The following PPFIA2 variants were observed in gnomAD, a reference collection of about 807,000 sequenced individuals.
PPFIA2 encodes the protein liprin-alpha-2.
A neutral mutation model predicts 175.5 loss-of-function variants in PPFIA2; 46 were observed. That is an observed-to-expected ratio of 0.26 (90% confidence interval 0.21 to 0.34). The LOEUF is 0.34. Among genes scored for constraint, PPFIA2 ranks in the 10% least tolerant of loss-of-function variants. The pLI is 1.00. For missense variants in PPFIA2, 1,179 were observed against 1,506.1 expected (o/e 0.78, Z 3.60); for synonymous variants, 568 against 511.4 (o/e 1.11, Z -1.49).
At chr12:81,728,115 C>A (rs1401240755) in intron 3 of PPFIA2, among the ~76,000 whole-genome samples, 1 of 151,276 alleles carries the variant, frequency 6.6e-6, no homozygotes, top group African/African-American at 2.4e-5. Flanking sequence ...AGAAATAACA[C>A]AAAGGAATGA....
At chr12:81,731,761 A>G (rs986766101) in intron 3 of PPFIA2, among the ~76,000 whole-genome samples, 4 of 151,612 alleles carry the variant, frequency 2.6e-5, no homozygotes, top group Non-Finnish European at 3.0e-5. Flanking sequence ...CCTCTATGTC[A>G]GTTTCCTTAT....
chr12:81,505,350 A>G (rs758758696), intron 4 of PPFIA2, among the ~76,000 whole-genome samples: 15 of 152,258 alleles, frequency 9.9e-5, no homozygotes, highest in Non-Finnish European at 1.8e-4. Flanking sequence ...GTTCAGTTGA[A>G]TATGTTGAAA....
intron 21 of PPFIA2, 148 bp downstream of exon 21, chr12:81,339,031 AC>A: frequency 1.4e-6 from 1 of 695,542 alleles, no homozygotes; most frequent in Non-Finnish European, 2.2e-6. Context: ...GCTAAATTGA[AC>A]ATTTAAAGCT....
At chr12:81,573,228 T>C (rs1027427329) in intron 4 of PPFIA2, among the ~76,000 whole-genome samples, 1 of 151,920 alleles carries the variant, frequency 6.6e-6, no homozygotes, top group African/African-American at 2.4e-5. Context: ...GGCCACAGAC[T>C]TAACAGAAGA....
chr12:81,630,830 T>C (rs886853771), intron 4 of PPFIA2, among the ~76,000 whole-genome samples: 1 of 151,454 alleles, frequency 6.6e-6, no homozygotes, highest in Non-Finnish European at 1.5e-5. Flanking sequence ...TTAAAAAGAA[T>C]TGTGCTTCCA....
rs554677708 is a variant in PPFIA2 at position 81,286,208 on chromosome 12, A to T, written c.2926-1905T>A. On this transcript the variant is annotated intron_variant, in intron 24 of 32. Coordinates refer to ENST00000549396, the MANE Select transcript of PPFIA2 (RefSeq NM_003625.5). ...CTAAGTATTATTTTAAAAAGAGTCAAAAGTTAACAAAAAAAAAGATTTATA... is the reference window on the plus strand; with the variant it reads ...CTAAGTATTATTTTAAAAAGAGTCATAAGTTAACAAAAAAAAAGATTTATA... Among the ~76,000 whole-genome samples the T allele has an allele frequency of 1.1e-4, 16 of 152,220 alleles. No individual in the cohort carries two copies. The East Asian group carries it at 3.1e-3, about 29-fold the overall frequency.
chr12:81,396,633 A>T (rs534845348), intron 8 of PPFIA2, among the ~76,000 whole-genome samples: 1 of 152,208 alleles, frequency 6.6e-6, no homozygotes, highest in South Asian at 2.1e-4. Context: ...GGTTTAAAAC[A>T]TCACTCTTGT....
chr12:81,676,638 G>A, intron 4 of PPFIA2, 153 bp downstream of exon 4: 1 of 458,080 alleles, frequency 2.2e-6, no homozygotes, highest in Non-Finnish European at 3.6e-6. Context: ...ACACCTCAAA[G>A]CAATTTCATA....
chr12:81,605,939 A>G (rs780272067), intron 4 of PPFIA2, among the ~76,000 whole-genome samples: 3 of 151,780 alleles, frequency 2.0e-5, no homozygotes, highest in Admixed American at 6.6e-5. Context: ...ATAATAGCCA[A>G]TAAGTAGTTT....
chr12:81,701,887 G>C (rs1244293233), intron 3 of PPFIA2, among the ~76,000 whole-genome samples: 2 of 96,020 alleles, frequency 2.1e-5, no homozygotes, highest in Non-Finnish European at 4.2e-5. Flanking sequence ...CAACCCATAA[G>C]AGTAAACTAT....
At chr12:81,518,440 G>A (rs1357431277) in intron 4 of PPFIA2, among the ~76,000 whole-genome samples, 1 of 152,038 alleles carries the variant, frequency 6.6e-6, no homozygotes, top group Non-Finnish European at 1.5e-5. Context: ...TCAAAGCTAG[G>A]AGTACCAAAT....
At chr12:81,425,395 A>T (rs1488372870) in intron 7 of PPFIA2, among the ~76,000 whole-genome samples, 1 of 152,194 alleles carries the variant, frequency 6.6e-6, no homozygotes, top group Middle Eastern at 3.2e-3. Flanking sequence ...CCCAGGATGG[A>T]ATGCAGTGGC....
chr12:81,292,092 C>T (rs141136155), intron 24 of PPFIA2, among the ~76,000 whole-genome samples: 1 of 152,046 alleles, frequency 6.6e-6, no homozygotes, highest in East Asian at 1.9e-4. Flanking sequence ...ATGAATTACA[C>T]TGGTAAATAA....
At chr12:81,322,439 T>C (rs1396459148) in intron 22 of PPFIA2, among the ~76,000 whole-genome samples, 1 of 152,086 alleles carries the variant, frequency 6.6e-6, no homozygotes, top group African/African-American at 2.4e-5. Flanking sequence ...AATTATAATA[T>C]TAATACTGAA....
chr12:81,569,255 T>A (rs1309778200), intron 4 of PPFIA2, among the ~76,000 whole-genome samples: 1 of 152,280 alleles, frequency 6.6e-6, no homozygotes, highest in East Asian at 1.9e-4. Flanking sequence ...TACCTAGCAT[T>A]AGATTTCTTA....
intron 7 of PPFIA2, among the ~76,000 whole-genome samples, chr12:81,421,392 G>A (rs1384252839): frequency 5.3e-5 from 8 of 151,970 alleles, no homozygotes; most frequent in East Asian, 1.9e-4. Flanking sequence ...AACACAAATC[G>A]GGCAGAGTAA....
At chr12:81,384,486 C>T (rs2038479063) in intron 8 of PPFIA2, among the ~76,000 whole-genome samples, 1 of 151,958 alleles carries the variant, frequency 6.6e-6, no homozygotes, top group Admixed American at 6.6e-5. Context: ...CTATGCTATG[C>T]TCTCTCTATA....
chr12:81,620,124 C>CACTCCAG (rs2061877683), intron 4 of PPFIA2, among the ~76,000 whole-genome samples: 1 of 130,812 alleles, frequency 7.6e-6, no homozygotes, highest in African/African-American at 2.9e-5. Flanking sequence ...CGCGCCACTG[C>CACTCCAG]ACTCCAGCCT....
chr12:81,325,643 T>G, intron 22 of PPFIA2, 134 bp downstream of exon 22: 7 of 605,512 alleles, frequency 1.2e-5, no homozygotes. Context: ...GCCCTGAGTG[T>G]TTTAGGTAGT....
Sources: gnomAD v4.1 joint callset for allele counts (sites outside exome capture counted in the v4.1 genomes callset) on GRCh38, gnomAD v4.1.1 for gene constraint, MANE v1.5 for transcripts, NCBI Gene and HGNC (gene_info 2026-07-23, HGNC 2026-07-21) for gene names.